The following GRAMD1B variants were observed in gnomAD, a reference collection of about 807,000 sequenced individuals.
The protein encoded by GRAMD1B is protein Aster-B.
In GRAMD1B, 37 loss-of-function variants were observed where a neutral mutation model predicts 99.7. The observed-to-expected ratio is 0.37, with a 90% CI of 0.29 to 0.49. The LOEUF (loss-of-function observed/expected upper bound fraction) is 0.49, where lower values mean the gene tolerates loss of function less well. Ranked by LOEUF, GRAMD1B falls within the 20% of genes least tolerant of loss-of-function variation. GRAMD1B has a pLI of 0.98. For missense variants in GRAMD1B, 888 were observed against 1,009.2 expected, an observed-to-expected ratio of 0.88 and a Z score of 1.63; for synonymous variants, 427 against 387.6, an observed-to-expected ratio of 1.10 and a Z score of -1.19.
At chr11:123,394,317 C>T (rs1268147251) in intron 1 of GRAMD1B, among the ~76,000 whole-genome samples, 1 of 152,202 alleles carries the variant, frequency 6.6e-6, no homozygotes, top group Non-Finnish European at 1.5e-5. Context: ...ATTCCTTCTG[C>T]TCTATCCAAT....
chr11:123,524,991 C>T (rs1942563856), intron 2 of GRAMD1B, among the ~76,000 whole-genome samples: 1 of 152,322 alleles, frequency 6.6e-6, no homozygotes, highest in East Asian at 1.9e-4. Flanking sequence ...TCCCCATTCT[C>T]AGTGAATTGT....
chr11:123,600,405 A>G (rs1176569404), intron 7 of GRAMD1B, 63 bp from the exon 8 acceptor site: 5 of 1,025,918 alleles, frequency 4.9e-6, no homozygotes, highest in Admixed American at 2.0e-5. Context: ...ATGGAGGACC[A>G]TGTCCCTCTT....
intron 1 of GRAMD1B, among the ~76,000 whole-genome samples, chr11:123,407,128 G>A (rs963617151): frequency 6.6e-6 from 1 of 152,176 alleles, no homozygotes; most frequent in African/African-American, 2.4e-5. Context: ...CATAAAATGG[G>A]AATGTAATCA....
chr11:123,591,086 C>G lies in GRAMD1B; in HGVS notation c.685-2996C>G, dbSNP rs76177273. 0.01 allele frequency: 2,217 copies of G among 216,084 alleles called. 29 individuals are homozygous for G. The highest frequency in any genetic ancestry group is 0.033 in the African/African-American group (1,446 of 44,100). The allele number at this position is 216,084 out of a possible 1,614,324, so 13.4% of individuals were successfully genotyped here. A position where few individuals can be genotyped will look rare whatever the true frequency, so the allele number is the denominator to read the frequency against. Reference sequence around the variant, plus strand: ...AGGTGGAGGTGCGTGACCACACCACCTCTGGGCTACTCTCTGCCCGTGGAC... The same window carrying G: ...AGGTGGAGGTGCGTGACCACACCACGTCTGGGCTACTCTCTGCCCGTGGAC... On this transcript the variant is annotated intron_variant, in intron 4 of 19. Transcript: ENST00000635736. This position sits in a 1 kb window ranked among gnomAD's most constrained non-coding sequence, Gnocchi z 4.7.
intron 1 of GRAMD1B, among the ~76,000 whole-genome samples, chr11:123,443,121 C>A (rs561756501): frequency 2.6e-5 from 4 of 152,168 alleles, no homozygotes; most frequent in African/African-American, 9.7e-5. Flanking sequence ...TGTAGTCCAG[C>A]GGGTCTTAGC....
chr11:123,478,166 C>T (rs1203687544), intron 1 of GRAMD1B, among the ~76,000 whole-genome samples: 1 of 152,122 alleles, frequency 6.6e-6, no homozygotes, highest in Non-Finnish European at 1.5e-5. Flanking sequence ...CAGGTGTACA[C>T]CATCATGCCT....
In GRAMD1B at chr11:123,624,988, T is replaced by G. The variant is rs1195879331; in HGVS notation, c.*2393T>G. On this transcript the variant is annotated 3_prime_UTR_variant, in exon 20 of 20. Coordinates refer to ENST00000635736, the MANE Select transcript of GRAMD1B (RefSeq NM_001387025.1). The stretch of plus-strand genomic sequence containing the variant: ...CGATTTGAACCCACTAGACAATGTG[T>G]GCACATAGGGAATGTCCTTTAAGAA... 2 of 152,184 alleles carry G rather than the reference T, an allele frequency of 1.3e-5. No homozygotes were observed. The highest frequency in any genetic ancestry group is 2.9e-5 in the Non-Finnish European group (2 of 68,040). 9.4% of individuals were successfully genotyped at this position (152,184 alleles called of 1,614,324 possible). A position where few individuals can be genotyped will look rare whatever the true frequency, so the allele number is the denominator to read the frequency against.
chr11:123,462,271 ATTTG>A (rs1315590508), intron 1 of GRAMD1B, among the ~76,000 whole-genome samples: 1 of 152,082 alleles, frequency 6.6e-6, no homozygotes. Flanking sequence ...CGGGCCAGTC[ATTTG>A]TTTATTTCTA....
intron 1 of GRAMD1B, among the ~76,000 whole-genome samples, chr11:123,423,763 T>C (rs1204243549): frequency 6.6e-6 from 1 of 152,216 alleles, no homozygotes; most frequent in East Asian, 1.9e-4. Flanking sequence ...AGACCCTTGT[T>C]TAAATTTGTG....
chr11:123,590,474 C>T (rs886785446), intron 4 of GRAMD1B, among the ~76,000 whole-genome samples: 1 of 152,210 alleles, frequency 6.6e-6, no homozygotes, highest in Non-Finnish European at 1.5e-5. Context: ...CAGGAAACAT[C>T]TGCTGGGGAG....
At chr11:123,555,370 A>G (rs1946072517) in intron 2 of GRAMD1B, among the ~76,000 whole-genome samples, 1 of 152,080 alleles carries the variant, frequency 6.6e-6, no homozygotes, top group Admixed American at 6.5e-5. Context: ...ATTTTTTGAG[A>G]CAGAGTCTCA....
intron 14 of GRAMD1B, among the ~76,000 whole-genome samples, chr11:123,612,143 G>C (rs1953683391): frequency 6.6e-6 from 1 of 152,024 alleles, no homozygotes; most frequent in Admixed American, 6.6e-5. Flanking sequence ...CTGGAGTGCA[G>C]TGGTGTGATC....
intron 7 of GRAMD1B, chr11:123,599,427 T>C (rs1148096): frequency 0.86 from 562,479 of 657,366 alleles, 241,642 homozygotes; most frequent in East Asian, 0.99. Context: ...ATGATAGCAC[T>C]GCTGCTGCTC....
At chr11:123,496,341 G>T (rs1028437812) in intron 2 of GRAMD1B, among the ~76,000 whole-genome samples, 1 of 152,032 alleles carries the variant, frequency 6.6e-6, no homozygotes, top group Non-Finnish European at 1.5e-5. Flanking sequence ...ATGTATTGGA[G>T]TTCAATTGTA....
chr11:123,414,700 G>A (rs908998667), intron 1 of GRAMD1B, among the ~76,000 whole-genome samples: 3 of 152,134 alleles, frequency 2.0e-5, no homozygotes, highest in African/African-American at 7.2e-5. Context: ...GAGAATGTTT[G>A]CTCCCCAAGG....
intron 2 of GRAMD1B, among the ~76,000 whole-genome samples, chr11:123,551,756 T>C (rs1477977452): frequency 6.6e-6 from 1 of 152,188 alleles, no homozygotes; most frequent in Non-Finnish European, 1.5e-5. Context: ...GTTTCTTCAT[T>C]CATGGCCTTC....
At chr11:123,571,521 G>A (rs192934836) in intron 2 of GRAMD1B, among the ~76,000 whole-genome samples, 51 of 152,294 alleles carry the variant, frequency 3.3e-4, no homozygotes, top group Admixed American at 5.9e-4. Flanking sequence ...ACTTCAGGGA[G>A]CACTGTTTGC....
At position 123,447,700 on chromosome 11, in the gene GRAMD1B, A is replaced by G. The variant is rs150119638; in HGVS notation, c.374+16534A>G. On this transcript the variant is annotated intron_variant, in intron 1 of 19. Transcript: ENST00000635736. ...TTCATCTTGTTAGACAAAATTAAGC[A>G]CATGTGTCTGAAGAGTTATGCTAAT... 7.0e-3 allele frequency among the ~76,000 whole-genome samples: 1,069 copies of G among 152,336 alleles called. 13 individuals carry two copies. Among genetic ancestry groups the G allele is most frequent in the African/African-American group, 0.024 (987 of 41,564 alleles).
intron 2 of GRAMD1B, 67 bp from the exon 3 acceptor site, chr11:123,577,300 A>T: frequency 7.4e-7 from 1 of 1,349,974 alleles, no homozygotes; most frequent in African/African-American, 1.4e-5. Context: ...GGCCTCGATC[A>T]CTGACTGCCT....
Sources: gnomAD v4.1 joint callset for allele counts (sites outside exome capture counted in the v4.1 genomes callset) on GRCh38, gnomAD v4.1.1 for gene constraint, Gnocchi (gnomAD v3.1) non-coding constraint, MANE v1.5 for transcripts, NCBI Gene and HGNC (gene_info 2026-07-23, HGNC 2026-07-21) for gene names.